Variants in MYO16 observed in about 807,000 individuals in gnomAD.
MYO16 encodes myosin XVI.
In MYO16, 94 loss-of-function variants were observed where a neutral mutation model predicts 205.3. The ratio of observed to expected loss-of-function variants is 0.46; its 90% CI spans 0.39 to 0.54. The LOEUF (loss-of-function observed/expected upper bound fraction) is 0.54, where lower values mean the gene tolerates loss of function less well. MYO16 is among the 20% of genes least tolerant of loss of function. The pLI, the probability that MYO16 is intolerant of heterozygous loss-of-function variation, is 0.00. For missense variants in MYO16, 2,315 were observed against 2,387.5 expected, an observed-to-expected ratio of 0.97 and a Z score of 0.63; for synonymous variants, 988 against 954.0, an observed-to-expected ratio of 1.04 and a Z score of -0.66.
In MYO16 at chr13:108,856,606, C is replaced by T. The variant is rs76623494; in HGVS notation, c.1359+1053C>T. Among the ~76,000 whole-genome samples, 1,089 of 151,720 alleles carry T rather than the reference C, an allele frequency of 7.2e-3. 14 individuals carry two copies. The highest frequency in any genetic ancestry group is 0.027 in the Middle Eastern group (8 of 294). ...TTTTGTAAAGTGTGTATTTTTATAA[C>T]ATTTTTTCATCTTTTTTCCCAGTAT... On this transcript the variant is annotated intron_variant, in intron 11 of 34. Transcript: ENST00000457511.
intron 13 of MYO16, 89 bp downstream of exon 13, chr13:108,883,275 AT>A: frequency 6.8e-7 from 1 of 1,475,096 alleles, no homozygotes; most frequent in Non-Finnish European, 9.1e-7. Flanking sequence ...GTTTACCTTT[AT>A]TTACTTTCTC....
upstream of MYO16, among the ~76,000 whole-genome samples, chr13:108,627,062 G>A (rs1023999697): frequency 1.3e-5 from 2 of 149,604 alleles, no homozygotes; most frequent in African/African-American, 4.9e-5. Context: ...TGGATATAGA[G>A]GAGGAAATTT....
intron 2 of MYO16, among the ~76,000 whole-genome samples, chr13:108,711,389 T>G (rs528934499): frequency 6.6e-6 from 1 of 152,358 alleles, no homozygotes; most frequent in South Asian, 2.1e-4. Flanking sequence ...GAAAGTCCCT[T>G]GGCAATGAGT....
intron 3 of MYO16, 60 bp downstream of exon 3, chr13:108,712,791 G>T: frequency 7.5e-7 from 1 of 1,339,722 alleles, no homozygotes; most frequent in Non-Finnish European, 1.0e-6. Context: ...GTACATTACA[G>T]GTTCAAACCC....
chr13:108,822,976 C>T, intron 8 of MYO16, 149 bp from the exon 9 acceptor site: 1 of 668,734 alleles, frequency 1.5e-6, no homozygotes, highest in Admixed American at 3.0e-5. Flanking sequence ...CAATTTTATC[C>T]CAGCCGTAAA....
chr13:108,823,096 T>G, intron 8 of MYO16, 29 bp from the exon 9 acceptor site: 1 of 1,590,926 alleles, frequency 6.3e-7, no homozygotes, highest in South Asian at 1.1e-5. Flanking sequence ...CCCATCATTT[T>G]TCTGATTTTT....
At chr13:108,683,695 TA>T (rs1193974930) in intron 2 of MYO16, among the ~76,000 whole-genome samples, 10 of 152,314 alleles carry the variant, frequency 6.6e-5, no homozygotes, top group Admixed American at 4.6e-4. Context: ...CTTGTTCTAA[TA>T]AAAATAAAGA....
At chr13:108,894,306 A>G (rs908037163) in intron 14 of MYO16, among the ~76,000 whole-genome samples, 1 of 152,112 alleles carries the variant, frequency 6.6e-6, no homozygotes, top group African/African-American at 2.4e-5. Flanking sequence ...ATCAGTGAGG[A>G]TGTATTGGGG....
chr13:108,806,745 C>G lies in MYO16; in HGVS notation c.808C>G (p.Leu270Val). 1 of 1,613,060 alleles carries G rather than the reference C, an allele frequency of 6.2e-7. No individual in the cohort carries two copies. The highest frequency in any genetic ancestry group is 8.5e-7 in the Non-Finnish European group (1 of 1,179,196). Residue 270 changes from leucine to valine, a missense_variant, in exon 7 of 35, where the codon CTC (leucine) becomes GTC (valine). Physicochemically the swap from Leu to Val is conservative, Grantham distance 32. Coordinates refer to ENST00000457511, the MANE Select transcript of MYO16 (RefSeq NM_001198950.3). ...TCTTATCCTGGAACATGGTGGAGAC[C>G]TCAACATAGTAGATGATCAGTACTG... Reference protein sequence around the residue: ...VSLILEHGGDLNIVDDQYWTP... With the variant: ...VSLILEHGGDVNIVDDQYWTP...
At chr13:108,741,071 C>G (rs888339248) in intron 4 of MYO16, among the ~76,000 whole-genome samples, 1 of 152,130 alleles carries the variant, frequency 6.6e-6, no homozygotes, top group Non-Finnish European at 1.5e-5. Flanking sequence ...TCCCTGACCC[C>G]TTGTGCTTCC....
intron 4 of MYO16, among the ~76,000 whole-genome samples, chr13:108,766,566 A>T (rs757798328): frequency 8.5e-5 from 13 of 152,164 alleles, no homozygotes; most frequent in Non-Finnish European, 1.9e-4. Flanking sequence ...ACCCTTATAA[A>T]ATCGCCTTCA....
chr13:109,182,379 T>C (rs1054542263), intron 34 of MYO16, among the ~76,000 whole-genome samples: 1 of 152,196 alleles, frequency 6.6e-6, no homozygotes, highest in South Asian at 2.1e-4. Flanking sequence ...TTGACCTGGC[T>C]CCATGGGGTG....
intron 12 of MYO16, among the ~76,000 whole-genome samples, chr13:108,875,352 T>C (rs1426899881): frequency 6.6e-6 from 1 of 152,158 alleles, no homozygotes; most frequent in African/African-American, 2.4e-5. Flanking sequence ...AAAAGTTAGA[T>C]GGCTTGTCAG....
intron 1 of MYO16, among the ~76,000 whole-genome samples, chr13:108,645,933 G>A (rs868394322): frequency 2.0e-5 from 3 of 152,194 alleles, no homozygotes; most frequent in Non-Finnish European, 4.4e-5. Context: ...TCCTGCCCCA[G>A]GGTGCAGGAA....
intron 6 of MYO16, among the ~76,000 whole-genome samples, chr13:108,798,512 T>C (rs2138960154): frequency 6.6e-6 from 1 of 152,262 alleles, no homozygotes; most frequent in South Asian, 2.1e-4. Flanking sequence ...CAGAAAATGA[T>C]ACAATTTTAA....
chr13:108,504,694 C>A, the MYO16 span, among the ~76,000 whole-genome samples: 3 of 151,980 alleles, frequency 2.0e-5, no homozygotes, highest in Non-Finnish European at 2.9e-5. Flanking sequence ...CACCACCATG[C>A]CCAGCTAATT....
At chr13:108,957,401 A>C (rs954655679) in intron 16 of MYO16, among the ~76,000 whole-genome samples, 2 of 151,248 alleles carry the variant, frequency 1.3e-5, no homozygotes, top group Non-Finnish European at 3.0e-5. Context: ...AAAAAAAAAA[A>C]CAAAAACATG....
At chr13:108,858,669 G>A (rs1217914128) in intron 11 of MYO16, among the ~76,000 whole-genome samples, 1 of 152,020 alleles carries the variant, frequency 6.6e-6, no homozygotes, top group East Asian at 1.9e-4. Context: ...TAAGTGTCTG[G>A]GCTTCTCTTG....
intron 14 of MYO16, among the ~76,000 whole-genome samples, chr13:108,897,053 A>C (rs1228238940): frequency 6.6e-6 from 1 of 152,204 alleles, no homozygotes; most frequent in Non-Finnish European, 1.5e-5. Context: ...CACTTAAAAA[A>C]AAGTAGGATA....
Sources: gnomAD v4.1 joint callset for allele counts (sites outside exome capture counted in the v4.1 genomes callset) on GRCh38, gnomAD v4.1.1 for gene constraint, MANE v1.5 for transcripts, NCBI Gene and HGNC (gene_info 2026-07-23, HGNC 2026-07-21) for gene names.